PHF2: variants seen among roughly 807,000 people sequenced by gnomAD.
PHF2 encodes the protein PHD finger protein 2.
Under a neutral mutation model 120.5 loss-of-function variants are expected in PHF2, and 27 were observed. That is an observed-to-expected ratio of 0.22 (90% CI 0.17 to 0.31). The LOEUF is 0.31. Among genes scored for constraint, PHF2 ranks in the 10% least tolerant of loss-of-function variants. PHF2 has a pLI of 1.00. For synonymous variants in PHF2, 568 were observed against 592.5 expected (o/e 0.96, Z 0.60); for missense variants, 1,024 against 1,434.8 (o/e 0.71, Z 4.63).
intron 7 of PHF2, among the ~76,000 whole-genome samples, chr9:93,654,825 G>A (rs1826430166): frequency 6.6e-6 from 1 of 152,170 alleles, no homozygotes. Context: ...TGTCTCGTCA[G>A]CATGGGCACT....
At chr9:93,636,614 C>T (rs1826098643) in intron 3 of PHF2, 89 bp downstream of exon 3, 1 of 956,978 alleles carries the variant, frequency 1.0e-6, no homozygotes, top group Non-Finnish European at 1.6e-6. Context: ...TTGCTGGGGG[C>T]TTCCTTTGCT....
chr9:93,636,042 T>C (rs1826084209), intron 2 of PHF2, among the ~76,000 whole-genome samples: 1 of 151,832 alleles, frequency 6.6e-6, no homozygotes, highest in African/African-American at 2.4e-5. Flanking sequence ...GTGGAAGCCA[T>C]GGGATGGTGA....
chr9:93,587,659 AC>A (rs927162756), intron 1 of PHF2, among the ~76,000 whole-genome samples: 8 of 152,026 alleles, frequency 5.3e-5, no homozygotes, highest in African/African-American at 1.9e-4. Context: ...GTCTAACCCT[AC>A]CACCCTGCTT....
intron 16 of PHF2, among the ~76,000 whole-genome samples, 169 bp from the exon 17 acceptor site, chr9:93,666,911 G>A (rs1163212318): frequency 6.6e-6 from 1 of 152,160 alleles, no homozygotes; most frequent in African/African-American, 2.4e-5. Context: ...GCGACAGAGC[G>A]AGACTCCATC....
At chr9:93,602,130 TCA>T (rs1825450253) in intron 1 of PHF2, among the ~76,000 whole-genome samples, 1 of 152,162 alleles carries the variant, frequency 6.6e-6, no homozygotes, top group African/African-American at 2.4e-5. Flanking sequence ...CTCTTCCAGT[TCA>T]CGAGTTCTCT....
intron 4 of PHF2, among the ~76,000 whole-genome samples, chr9:93,648,200 G>C (rs1826295070): frequency 6.6e-6 from 1 of 152,184 alleles, no homozygotes; most frequent in Non-Finnish European, 1.5e-5. Context: ...AGGCCATGTT[G>C]GTCCTGCAGA....
intron 2 of PHF2, among the ~76,000 whole-genome samples, chr9:93,631,860 T>A (rs1224874631): frequency 6.6e-6 from 1 of 151,934 alleles, no homozygotes; most frequent in Non-Finnish European, 1.5e-5. Context: ...CACGTGTGCA[T>A]CACTTGAGAA....
chr9:93,577,338 G>A (rs1862843857), intron 1 of PHF2, among the ~76,000 whole-genome samples: 1 of 151,978 alleles, frequency 6.6e-6, no homozygotes, highest in East Asian at 2.0e-4. Context: ...CGGGCGCGCA[G>A]CCCGGCGCGG....
chr9:93,668,793 C>T (rs1231542655), intron 17 of PHF2, among the ~76,000 whole-genome samples: 2 of 152,220 alleles, frequency 1.3e-5, no homozygotes, highest in Admixed American at 1.3e-4. Flanking sequence ...GCAGTGTGCA[C>T]GTGCACATGT....
intron 1 of PHF2, among the ~76,000 whole-genome samples, chr9:93,585,789 T>A (rs1182039917): frequency 6.6e-6 from 1 of 152,234 alleles, no homozygotes; most frequent in African/African-American, 2.4e-5. Context: ...ACCCTTCCCC[T>A]TATAAAACCC....
chr9:93,663,781 C>T (rs1223524429), intron 14 of PHF2, 146 bp downstream of exon 14: 2 of 585,262 alleles, frequency 3.4e-6, no homozygotes, highest in Non-Finnish European at 6.2e-6. Flanking sequence ...ACACACCACA[C>T]ACTGCATCAC....
At chr9:93,645,850 C>G (rs551038634) in intron 4 of PHF2, 61 bp downstream of exon 4, 2 of 1,503,366 alleles carry the variant, frequency 1.3e-6, no homozygotes, top group South Asian at 2.6e-5. Context: ...GGACACCCAC[C>G]ACTGTGCATG....
intron 1 of PHF2, among the ~76,000 whole-genome samples, chr9:93,610,675 TA>T (rs200091340): frequency 6.6e-6 from 1 of 151,572 alleles, no homozygotes; most frequent in Non-Finnish European, 1.5e-5. Context: ...TGTTTTGTAG[TA>T]AAAAAAAATT....
intron 1 of PHF2, among the ~76,000 whole-genome samples, chr9:93,589,894 C>T (rs924985225): frequency 1.3e-5 from 2 of 152,134 alleles, no homozygotes; most frequent in African/African-American, 4.8e-5. Context: ...CTGCAGTGAC[C>T]CTGGGTCGTC....
In PHF2 at chr9:93,598,949, C is replaced by G. The variant is rs1587671119; in HGVS notation, c.98+22078C>G. Among the ~76,000 whole-genome samples the G allele has an allele frequency of 4.6e-5, 7 of 152,326 alleles. No homozygotes were observed. In the East Asian group the frequency reaches 1.4e-3, roughly 29 times the overall value. Reference sequence around the variant, plus strand: ...CACTGAGCCCCACCTTTTGACGTGGCTGGTATGTCCGTGTGCGCCCTTGGA... The same window carrying G: ...CACTGAGCCCCACCTTTTGACGTGGGTGGTATGTCCGTGTGCGCCCTTGGA... On this transcript the variant is annotated intron_variant, in intron 1 of 21. Coordinates refer to ENST00000359246, the MANE Select transcript of PHF2 (RefSeq NM_005392.4).
At chr9:93,642,893 G>C (rs963839390) in intron 3 of PHF2, among the ~76,000 whole-genome samples, 2 of 152,020 alleles carry the variant, frequency 1.3e-5, no homozygotes, top group Admixed American at 1.3e-4. Context: ...TTTGATCATT[G>C]TATTTTTTAT....
chr9:93,673,188 G>A (rs557911045), intron 17 of PHF2, among the ~76,000 whole-genome samples: 6 of 152,050 alleles, frequency 3.9e-5, no homozygotes, highest in Admixed American at 2.0e-4. Context: ...AGGGTGGACC[G>A]AGGGGGTACA....
intron 10 of PHF2, among the ~76,000 whole-genome samples, chr9:93,658,822 C>T (rs368518609): frequency 9.9e-5 from 15 of 152,146 alleles, no homozygotes; most frequent in African/African-American, 3.1e-4. Flanking sequence ...TGACTCTTAC[C>T]GATGACCATC....
chr9:93,628,767 G>A (rs1485554822), intron 1 of PHF2, among the ~76,000 whole-genome samples: 1 of 152,186 alleles, frequency 6.6e-6, no homozygotes, highest in Non-Finnish European at 1.5e-5. Flanking sequence ...GGAAGATGTT[G>A]AAGTATTTTC....
Sources: gnomAD v4.1 joint callset for allele counts (sites outside exome capture counted in the v4.1 genomes callset) on GRCh38, gnomAD v4.1.1 for gene constraint, MANE v1.5 for transcripts, NCBI Gene and HGNC (gene_info 2026-07-23, HGNC 2026-07-21) for gene names.